The following PCDHA6 variants were observed in gnomAD, a reference collection of about 807,000 sequenced individuals.
PCDHA6 encodes the protein protocadherin alpha 6, also known as protocadherin alpha-6.
PCDHA6 carries 55 observed loss-of-function variants against 60.3 expected under a neutral mutation model. The observed-to-expected ratio is 0.91, with a 90% CI of 0.73 to 1.14. PCDHA6 has a LOEUF of 1.14. Ranked by LOEUF, PCDHA6 falls within the 50% of genes most tolerant of loss-of-function variation. The probability of loss-of-function intolerance (pLI) is 0.00; values close to 1 mark genes in which losing one functional copy is unlikely to be tolerated. For missense variants in PCDHA6, 1,327 were observed against 1,256.5 expected, an observed-to-expected ratio of 1.06 and a Z score of -0.85; for synonymous variants, 652 against 557.9, an observed-to-expected ratio of 1.17 and a Z score of -2.38.
At chr5:140,960,836 AG>A (rs551951864) in intron 1 of PCDHA6, among the ~76,000 whole-genome samples, 345 of 152,342 alleles carry the variant, frequency 2.3e-3, no homozygotes, top group African/African-American at 7.6e-3. Flanking sequence ...AACTTGGAAC[AG>A]GTTTAATGGC....
chr5:140,828,999 T>A lies in PCDHA6; in HGVS notation c.908T>A (p.Val303Glu), dbSNP rs2150161798. The change falls in exon 1 of 4, where the codon GTG becomes GAG. Residue 303 changes from valine (V) to glutamate (E), a missense_variant. Physicochemically the swap from Val to Glu is moderately radical, Grantham distance 121. Coordinates refer to ENST00000529310, the MANE Select transcript of PCDHA6 (RefSeq NM_018909.4). ...ATAGATCGAAATACGGGAGAAATAG[T>A]GATTCGGGGTAATTTGGATTTTGAA... ...FSIDRNTGEIVIRGNLDFEQE... is the reference protein window; with the variant it reads ...FSIDRNTGEIEIRGNLDFEQE... The A allele has an allele frequency of 1.4e-5, 23 of 1,613,800 alleles. No individual in the cohort carries two copies. In the South Asian group the frequency reaches 2.4e-4, roughly 17 times the overall value.
At chr5:140,842,366 G>C in intron 1 of PCDHA6, 1 of 1,608,006 alleles carries the variant, frequency 6.2e-7, no homozygotes, top group Non-Finnish European at 8.5e-7. Flanking sequence ...TAACGTCCCT[G>C]AGATAGCACT....
chr5:140,931,161 C>G (rs1214685588), intron 1 of PCDHA6, among the ~76,000 whole-genome samples: 5 of 152,132 alleles, frequency 3.3e-5, no homozygotes, highest in African/African-American at 1.2e-4. Flanking sequence ...AATAGAATCT[C>G]AGTTAATTTT....
rs1563650230 is a variant in PCDHA6, at chr5:141,000,393, C to CTA, written c.2543-9233_2543-9232insAT. Among the ~76,000 whole-genome samples, 150 of 52,842 alleles carry CTA rather than the reference C, an allele frequency of 2.8e-3. 1 individual carries two copies. The highest frequency in any genetic ancestry group is 4.0e-3 in the Non-Finnish European group (125 of 31,360). 34.7% of individuals were successfully genotyped at this position (52,842 alleles called of 152,430 possible). A position where few individuals can be genotyped will look rare whatever the true frequency, so the allele number is the denominator to read the frequency against. On this transcript the variant is annotated intron_variant, in intron 3 of 3. Coordinates refer to ENST00000529310, the MANE Select transcript of PCDHA6 (RefSeq NM_018909.4). ...TCTCTCTCTCTCTCTCTCTCTCTCT[C>CTA]TCTATATATATATATATATATATAT... is the stretch of plus-strand genomic sequence containing the variant.
At position 140,877,504 on chromosome 5, in the gene PCDHA6, A is replaced by T. The variant is rs532509235; in HGVS notation, c.2394+47019A>T. The T allele has an allele frequency of 1.1e-5, 18 of 1,613,764 alleles. No individual in the cohort carries two copies. The South Asian group carries it at 1.3e-4, about 12-fold the overall frequency. On this transcript the variant is annotated intron_variant, in intron 1 of 3. Coordinates refer to ENST00000529310, the MANE Select transcript of PCDHA6 (RefSeq NM_018909.4). ...GGTGGAGAACGGCCAGGCCCCAAAG[A>T]CGTCGTCGCGGGCCTCAGTGGGCGC...
chr5:140,941,227 C>CTT (rs797022976), intron 1 of PCDHA6, among the ~76,000 whole-genome samples: 1 of 136,000 alleles, frequency 7.4e-6, no homozygotes, highest in African/African-American at 2.8e-5. Context: ...TTCTTTCTTT[C>CTT]TTTCTTTCTT....
intron 1 of PCDHA6, among the ~76,000 whole-genome samples, chr5:140,909,682 A>G (rs1172515528): frequency 1.3e-5 from 2 of 152,132 alleles, no homozygotes; most frequent in Non-Finnish European, 2.9e-5. Flanking sequence ...CAGGGAGCCA[A>G]TGTGGGGGTT....
At chr5:140,858,750 C>T (rs1397058081) in intron 1 of PCDHA6, 3 of 453,980 alleles carry the variant, frequency 6.6e-6, no homozygotes, top group South Asian at 3.1e-5. Flanking sequence ...AATCACTTTT[C>T]GTTACAAATA....
chr5:140,901,139 A>G (rs1186725760), intron 1 of PCDHA6, among the ~76,000 whole-genome samples: 1 of 151,726 alleles, frequency 6.6e-6, no homozygotes, highest in Non-Finnish European at 1.5e-5. Context: ...GATTGTAAAT[A>G]TTTTCTCTCA....
At chr5:140,871,026 G>T in intron 1 of PCDHA6, 2 of 1,613,220 alleles carry the variant, frequency 1.2e-6, no homozygotes, top group Non-Finnish European at 1.7e-6. Context: ...AGGCAGACTC[G>T]CCGCGCCACC....
chr5:140,891,688 T>G (rs2063203967), intron 1 of PCDHA6, among the ~76,000 whole-genome samples: 1 of 152,224 alleles, frequency 6.6e-6, no homozygotes, highest in Non-Finnish European at 1.5e-5. Flanking sequence ...TCTCTCTTCT[T>G]GCTGTTGTCT....
In PCDHA6 at chr5:140,919,966, A is replaced by G. The variant is rs1472155046; in HGVS notation, c.2395-58983A>G. Among the ~76,000 whole-genome samples, 3 of 139,590 alleles carry G rather than the reference A, an allele frequency of 2.1e-5. No homozygotes were observed. The East Asian group carries it at 7.1e-4, about 33-fold the overall frequency. The allele number at this position is 139,590 out of a possible 152,430, so 91.6% of individuals were successfully genotyped here. On this transcript the variant is annotated intron_variant, in intron 1 of 3. Transcript: ENST00000529310. ...GTGAAAAGTTTGTTTTGTTTTTTAA[A>G]TAAGAGATAGAAGATGGAAAACAGA...
chr5:140,981,026 A>T (rs1300851844), intron 2 of PCDHA6, among the ~76,000 whole-genome samples: 3 of 152,088 alleles, frequency 2.0e-5, no homozygotes, highest in Admixed American at 6.5e-5. Flanking sequence ...GGCTGTTAAT[A>T]TTTGGGGAAA....
Position 140,858,211 on chromosome 5 carries a change from C to T in PCDHA6, c.2394+27726C>T, listed in dbSNP as rs368039385. On this transcript the variant is annotated intron_variant, in intron 1 of 3. Transcript: ENST00000529310. ...TGCTGCTGTACACTGCACTGAGGTG[C>T]TCGGCGGCGCCCACCGAGGGCGCAT... 10 of 1,594,094 alleles carry T rather than the reference C, an allele frequency of 6.3e-6. 2 individuals are homozygous for T. Among genetic ancestry groups the T allele is most frequent in the Non-Finnish European group, 8.6e-6 (10 of 1,165,544 alleles).
At chr5:140,945,955 A>C (rs1174972799) in intron 1 of PCDHA6, among the ~76,000 whole-genome samples, 2 of 152,136 alleles carry the variant, frequency 1.3e-5, no homozygotes, top group African/African-American at 4.8e-5. Context: ...TGACCCTGAA[A>C]GCACAGGCAA....
intron 1 of PCDHA6, among the ~76,000 whole-genome samples, chr5:140,911,436 C>T (rs369054235): frequency 6.1e-4 from 93 of 152,242 alleles, no homozygotes; most frequent in South Asian, 2.9e-3. Context: ...TCCAATTTCC[C>T]GCAATTTCAG....
At chr5:140,876,015 A>G (rs1479938988) in intron 1 of PCDHA6, 3 of 1,613,662 alleles carry the variant, frequency 1.9e-6, no homozygotes, top group Non-Finnish European at 2.5e-6. Flanking sequence ...TTGAGCTTAA[A>G]ATAAAAACAA....
chr5:140,926,629 G>C, intron 1 of PCDHA6: 1 of 406,364 alleles, frequency 2.5e-6, no homozygotes, highest in Non-Finnish European at 4.2e-6. Flanking sequence ...GCGGCGCTGC[G>C]CTCCTCAACA....
At chr5:140,891,007 G>A (rs1228475433) in intron 1 of PCDHA6, among the ~76,000 whole-genome samples, 7 of 152,030 alleles carry the variant, frequency 4.6e-5, no homozygotes, top group African/African-American at 7.3e-5. Context: ...TTATTGAAAA[G>A]CATTTTTTCT....
Sources: allele counts gnomAD v4.1 joint callset (sites outside exome capture counted in the v4.1 genomes callset), GRCh38; gene constraint gnomAD v4.1.1; transcripts MANE v1.5; gene names NCBI Gene and HGNC (gene_info 2026-07-23, HGNC 2026-07-21).